Variants in C8orf34 observed in about 807,000 individuals in gnomAD.
C8orf34 encodes the protein uncharacterized protein C8orf34.
A neutral mutation model predicts 68.3 loss-of-function variants in C8orf34; 65 were observed. That is an observed-to-expected ratio of 0.95 (90% CI 0.78 to 1.17). C8orf34 has a LOEUF of 1.17. C8orf34 is among the 50% of genes most tolerant of loss of function. The probability of loss-of-function intolerance (pLI) is 0.00; values close to 1 mark genes in which losing one functional copy is unlikely to be tolerated. For synonymous variants in C8orf34, 244 were observed against 241.2 expected, an observed-to-expected ratio of 1.01 and a Z score of -0.11; for missense variants, 664 against 655.4, an observed-to-expected ratio of 1.01 and a Z score of -0.14.
intron 4 of C8orf34, among the ~76,000 whole-genome samples, chr8:68,479,588 C>CA (rs1326712788): frequency 6.6e-6 from 1 of 151,782 alleles, no homozygotes; most frequent in African/African-American, 2.4e-5. Flanking sequence ...GGGATGGAGC[C>CA]AAAAAAACAA....
chr8:68,807,618 C>T (rs1330772201), intron 12 of C8orf34, among the ~76,000 whole-genome samples: 1 of 151,870 alleles, frequency 6.6e-6, no homozygotes, highest in East Asian at 1.9e-4. Flanking sequence ...TGTTTCTATT[C>T]TTTGGTGTTT....
chr8:68,609,936 A>G (rs2130554044), intron 7 of C8orf34, among the ~76,000 whole-genome samples: 2 of 152,278 alleles, frequency 1.3e-5, no homozygotes, highest in South Asian at 4.1e-4. Context: ...GTGGAACAGA[A>G]GGGAGTTTCT....
At chr8:68,476,568 G>A (rs975714594) in intron 4 of C8orf34, among the ~76,000 whole-genome samples, 2 of 152,164 alleles carry the variant, frequency 1.3e-5, no homozygotes, top group African/African-American at 4.8e-5. Context: ...AGATAGTCTG[G>A]TATGAACTAA....
At chr8:68,648,518 T>A (rs1260175018) in intron 8 of C8orf34, among the ~76,000 whole-genome samples, 1 of 152,220 alleles carries the variant, frequency 6.6e-6, no homozygotes, top group Non-Finnish European at 1.5e-5. Flanking sequence ...ACTGCCATTC[T>A]CAAGAGTTAA....
intron 3 of C8orf34, among the ~76,000 whole-genome samples, chr8:68,450,443 C>A (rs915401891): frequency 3.9e-5 from 6 of 151,964 alleles, no homozygotes; most frequent in Admixed American, 3.9e-4. Flanking sequence ...GTTATTTGCC[C>A]CCAGATCCGT....
intron 10 of C8orf34, among the ~76,000 whole-genome samples, chr8:68,775,116 G>GCGATGC (rs1225276138): frequency 6.7e-6 from 1 of 150,106 alleles, no homozygotes; most frequent in Admixed American, 6.7e-5. Flanking sequence ...TCCAGTCCAA[G>GCGATGC]CGATGCTTCT....
At chr8:68,602,235 CG>C (rs1282667900) in intron 7 of C8orf34, among the ~76,000 whole-genome samples, 1 of 151,904 alleles carries the variant, frequency 6.6e-6, no homozygotes, top group African/African-American at 2.4e-5. Flanking sequence ...TCATTGATAT[CG>C]ATGGGGGTGG....
chr8:68,589,567 GAA>G (rs1817312593), intron 7 of C8orf34, among the ~76,000 whole-genome samples: 1 of 118,298 alleles, frequency 8.5e-6, no homozygotes, highest in Non-Finnish European at 1.8e-5. Flanking sequence ...AAGGGAGAGA[GAA>G]AGGTGGGGGA....
intron 1 of C8orf34, among the ~76,000 whole-genome samples, chr8:68,404,863 T>C (rs577142539): frequency 6.6e-6 from 1 of 152,082 alleles, no homozygotes; most frequent in Admixed American, 6.6e-5. Context: ...GTGGGCTCTT[T>C]TTTTGAAATT....
At chr8:68,611,774 A>G (rs1818031306) in intron 7 of C8orf34, among the ~76,000 whole-genome samples, 1 of 152,160 alleles carries the variant, frequency 6.6e-6, no homozygotes. Context: ...ATTTTGATTA[A>G]GGGGTAAAGT....
chr8:68,433,222 G>A (rs1259615117), intron 1 of C8orf34, among the ~76,000 whole-genome samples: 1 of 152,126 alleles, frequency 6.6e-6, no homozygotes, highest in Non-Finnish European at 1.5e-5. Context: ...TGAAACAGAT[G>A]CAGATTTAGA....
intron 8 of C8orf34, among the ~76,000 whole-genome samples, chr8:68,676,425 A>C (rs1332040202): frequency 6.6e-6 from 1 of 152,206 alleles, no homozygotes; most frequent in Admixed American, 6.6e-5. Context: ...CCAATACAAT[A>C]ATAACTGGAG....
chr8:68,640,208 G>A (rs1011381989), intron 7 of C8orf34, among the ~76,000 whole-genome samples, 168 bp from the exon 8 acceptor site: 11 of 152,094 alleles, frequency 7.2e-5, no homozygotes, highest in African/African-American at 2.2e-4. Context: ...CTCCAACTAC[G>A]TCTAGAAATA....
chr8:68,560,273 T>A (rs1816382735), intron 7 of C8orf34, among the ~76,000 whole-genome samples: 1 of 143,360 alleles, frequency 7.0e-6, no homozygotes, highest in Admixed American at 6.8e-5. Flanking sequence ...GGAGGAGTTT[T>A]CATTTCTGAT....
intron 7 of C8orf34, chr8:68,625,573 C>T (rs1420236946): frequency 5.7e-6 from 4 of 699,330 alleles, no homozygotes; most frequent in Non-Finnish European, 1.0e-5. Flanking sequence ...GAAAGCAACA[C>T]AGAATGGAAA....
In C8orf34 at chr8:68,748,019, T is replaced by C. The variant is rs879856647; in HGVS notation, c.1404+26582T>C. ...GGCTACAGTAACCAAAACAGCATGG[T>C]ACTGGTACCAAAACAGAGATATAGA... On this transcript the variant is annotated intron_variant, in intron 10 of 13. Coordinates refer to ENST00000518698, the MANE Select transcript of C8orf34 (RefSeq NM_052958.4). Among the ~76,000 whole-genome samples the C allele has an allele frequency of 3.9e-3, 595 of 151,302 alleles. 1 individual carries two copies. Among genetic ancestry groups the C allele is most frequent in the Non-Finnish European group, 7.3e-3 (496 of 67,716 alleles).
chr8:68,779,516 C>T (rs762637348), intron 11 of C8orf34, among the ~76,000 whole-genome samples: 6 of 152,106 alleles, frequency 3.9e-5, no homozygotes, highest in East Asian at 1.9e-4. Context: ...ATTAAAAGCA[C>T]GAGACAGGTC....
chr8:68,401,805 T>G (rs1808967448), intron 1 of C8orf34, among the ~76,000 whole-genome samples: 1 of 152,038 alleles, frequency 6.6e-6, no homozygotes, highest in Non-Finnish European at 1.5e-5. Flanking sequence ...TGCTAATGTT[T>G]TATTGAGGAC....
chr8:68,621,172 G>C (rs1047862848), intron 7 of C8orf34, among the ~76,000 whole-genome samples: 1 of 152,210 alleles, frequency 6.6e-6, no homozygotes, highest in Non-Finnish European at 1.5e-5. Context: ...GCCATGGCTG[G>C]AGTCCATCCA....
Sources: gnomAD v4.1 joint callset for allele counts (sites outside exome capture counted in the v4.1 genomes callset) on GRCh38, gnomAD v4.1.1 for gene constraint, MANE v1.5 for transcripts, NCBI Gene and HGNC (gene_info 2026-07-23, HGNC 2026-07-21) for gene names.